RARA: variants seen among roughly 807,000 people sequenced by gnomAD.
RARA encodes PML-DDX5-RARA fusion.
In RARA, 5 loss-of-function variants were observed where a neutral mutation model predicts 42.8. That is an observed-to-expected ratio of 0.12 (90% CI 0.06 to 0.25). The LOEUF (loss-of-function observed/expected upper bound fraction) is 0.25. RARA is among the 10% of genes least tolerant of loss of function. The pLI, the probability that RARA is intolerant of heterozygous loss-of-function variation, is 1.00. For missense variants in RARA, 402 were observed against 628.7 expected (o/e 0.64, Z 3.86); for synonymous variants, 256 against 259.5 (o/e 0.99, Z 0.13).
chr17:40,340,999 G>C, intron 2 of RARA: 1 of 400,364 alleles, frequency 2.5e-6, no homozygotes, highest in Non-Finnish European at 4.4e-6. Context: ...CATATATAAA[G>C]AGCCAGGCTT....
intron 1 of RARA, among the ~76,000 whole-genome samples, chr17:40,323,829 G>A (rs578224456): frequency 4.5e-4 from 59 of 132,206 alleles, no homozygotes; most frequent in African/African-American, 1.5e-3. Flanking sequence ...CCTGAGGCAG[G>A]ACTTGGTGGG....
At chr17:40,321,220 G>A (rs1233289748) in intron 1 of RARA, among the ~76,000 whole-genome samples, 4 of 152,056 alleles carry the variant, frequency 2.6e-5, no homozygotes, top group Non-Finnish European at 5.9e-5. Flanking sequence ...TGGGGACCTA[G>A]TGTGAGAATG....
In RARA at chr17:40,356,563, A is replaced by T. The variant is rs1342935550; in HGVS notation, c.*337A>T. ...GCTCACCACATCTTCATCACCAGCA[A>T]ACGCCAGGACTTGGCTCCCCCATCC... On this transcript the variant is annotated 3_prime_UTR_variant, in exon 9 of 9. Transcript: ENST00000254066. 1.7e-6 allele frequency: 1 copy of T among 581,324 alleles called. No individual in the cohort carries two copies. Among genetic ancestry groups the T allele is most frequent in the East Asian group, 3.6e-5 (1 of 27,690 alleles). The allele number at this position is 581,324 out of a possible 1,614,324, so 36.0% of individuals were successfully genotyped here. A position where few individuals can be genotyped will look rare whatever the true frequency, so the allele number is the denominator to read the frequency against.
chr17:40,323,874 C>T (rs2033464629), intron 1 of RARA, among the ~76,000 whole-genome samples: 1 of 151,562 alleles, frequency 6.6e-6, no homozygotes, highest in Non-Finnish European at 1.5e-5. Context: ...AGCGTGGGTC[C>T]CCAGGGTGGG....
At chr17:40,348,498 G>T in intron 3 of RARA, 34 bp downstream of exon 3, 1 of 1,603,646 alleles carries the variant, frequency 6.2e-7, no homozygotes, top group Non-Finnish European at 8.5e-7. Flanking sequence ...AGGACAGCTT[G>T]ATGAGGTCAA....
In RARA at chr17:40,342,794, A is replaced by C. The variant is rs776689631; in HGVS notation, c.179-5522A>C. 8.7e-6 allele frequency: 14 copies of C among 1,612,714 alleles called. No individual in the cohort carries two copies. The South Asian group carries it at 1.3e-4, about 15-fold the overall frequency. On this transcript the variant is annotated intron_variant, in intron 2 of 8. Coordinates refer to ENST00000254066, the MANE Select transcript of RARA (RefSeq NM_000964.4). ...ACCAGAACCGGGCCTGTTTGCTCCCAGAGAAGGGGCTCCCCGCCCCGGGTC... is the reference window on the plus strand; with the variant it reads ...ACCAGAACCGGGCCTGTTTGCTCCCCGAGAAGGGGCTCCCCGCCCCGGGTC...
At chr17:40,348,273 G>A (rs374816147) in intron 2 of RARA, 43 bp from the exon 3 acceptor site, 17 of 1,509,900 alleles carry the variant, frequency 1.1e-5, no homozygotes, top group African/African-American at 1.4e-5. Context: ...ACTAAGGATG[G>A]CGACCTAGGT....
intron 2 of RARA, among the ~76,000 whole-genome samples, chr17:40,338,752 G>A (rs1184587341): frequency 4.7e-5 from 7 of 149,950 alleles, no homozygotes; most frequent in Admixed American, 4.0e-4. Context: ...GCTCATGCCT[G>A]TAATCCCAGC....
At chr17:40,342,867 T>G in intron 2 of RARA, 1 of 1,610,786 alleles carries the variant, frequency 6.2e-7, no homozygotes, top group Non-Finnish European at 8.5e-7. Context: ...CTCAAACCAC[T>G]GTACGTACCG....
intron 2 of RARA, among the ~76,000 whole-genome samples, chr17:40,337,759 A>G (rs1275480379): frequency 6.6e-6 from 1 of 152,210 alleles, no homozygotes; most frequent in African/African-American, 2.4e-5. Flanking sequence ...GGTCTGGGTG[A>G]GCCCCAGCAG....
At chr17:40,312,264 C>T (rs1474474529) in intron 1 of RARA, among the ~76,000 whole-genome samples, 1 of 152,216 alleles carries the variant, frequency 6.6e-6, no homozygotes, top group Non-Finnish European at 1.5e-5. Flanking sequence ...CTCCTCCTCC[C>T]GCAGGGTAGG....
At chr17:40,341,494 G>A in intron 2 of RARA, 1 of 1,492,570 alleles carries the variant, frequency 6.7e-7, no homozygotes, top group Middle Eastern at 1.9e-4. Flanking sequence ...GCGCGACCCG[G>A]CCCTACGCCT....
Position 40,355,518 on chromosome 17 carries a change from C to A in RARA, c.1171+97C>A. 1 of 1,439,370 alleles carries A rather than the reference C, an allele frequency of 6.9e-7. No individual in the cohort carries two copies. The highest frequency in any genetic ancestry group is 9.3e-7 in the Non-Finnish European group (1 of 1,071,376). The allele number at this position is 1,439,370 out of a possible 1,614,324, so 89.2% of individuals were successfully genotyped here. A position where few individuals can be genotyped will look rare whatever the true frequency, so the allele number is the denominator to read the frequency against. On this transcript the variant is annotated intron_variant, in intron 8 of 8. Coordinates refer to ENST00000254066, the MANE Select transcript of RARA (RefSeq NM_000964.4). The surrounding 1 kb of genome is among the most constrained non-coding windows in gnomAD (Gnocchi z 4.1). ...CCCATGTCTTTGTGCCAGGACAATA[C>A]GACACCTGTCCCCATCTGTGTCTAG...
At position 40,355,409 on chromosome 17, in the gene RARA, A is replaced by G. The variant is rs376831612; in HGVS notation, c.1159A>G (p.Ile387Val). The G allele has an allele frequency of 3.1e-6, 5 of 1,613,872 alleles. No homozygotes were observed. The highest frequency in any genetic ancestry group is 4.2e-6 in the Non-Finnish European group (5 of 1,179,860). ...AATGAAGATTACTGACCTGCGAAGC[A>G]TCAGCGCCAAGGGTGAGGCTCACAG... ...MLMKITDLRS[I>V]SAKGAERVIT... The change falls in exon 8 of 9, where the codon ATC becomes GTC. Residue 387 changes from isoleucine to valine, a missense_variant. Around this residue, in one of 5 missense-constraint regions of RARA, gnomAD observed 104 missense variants for 160.1 expected, o/e 0.65. Coordinates refer to ENST00000254066, the MANE Select transcript of RARA (RefSeq NM_000964.4). This position sits in a 1 kb window ranked among gnomAD's most constrained non-coding sequence, Gnocchi z 4.1.
At position 40,354,465 on chromosome 17, in the gene RARA, C is replaced by A. The variant is rs2143527913; in HGVS notation, c.971C>A (p.Ala324Glu). Residue 324 changes from alanine (A) to glutamate (E), a missense_variant, in exon 7 of 9, where the codon GCG (alanine) becomes GAG (glutamate). Transcript: ENST00000254066. The surrounding 1 kb of genome is among the most constrained non-coding windows in gnomAD (Gnocchi z 4.5). ...CTGCTGCCCCTGGAGATGGATGATG[C>A]GGAGACGGGGCTGCTCAGCGCCATC... ...NQLLPLEMDD[A>E]ETGLLSAICL... 1 of 1,554,996 alleles carries A rather than the reference C, an allele frequency of 6.4e-7. No individual in the cohort carries two copies. The highest frequency in any genetic ancestry group is 8.7e-7 in the Non-Finnish European group (1 of 1,144,206).
chr17:40,331,737 C>T (rs538505021), intron 2 of RARA, among the ~76,000 whole-genome samples: 6 of 152,266 alleles, frequency 3.9e-5, no homozygotes, highest in Non-Finnish European at 8.8e-5. Flanking sequence ...GGTGGGTAAA[C>T]AAACCTCTTG....
chr17:40,350,196 G>GT (rs2034397894), intron 4 of RARA: 4 of 479,084 alleles, frequency 8.3e-6, no homozygotes, highest in Middle Eastern at 5.8e-4. Flanking sequence ...GTGTGCTTGC[G>GT]TATGTGTGTG....
rs1384871691 is a variant in RARA, at chr17:40,356,208, G to A, written c.1371G>A (p.Pro457=). 10 of 1,549,968 alleles carry A rather than the reference G, an allele frequency of 6.5e-6. No homozygotes were observed. Among genetic ancestry groups the A allele is most frequent in the Middle Eastern group, 1.7e-4 (1 of 5,992 alleles). Residue 457 remains proline, a synonymous_variant, in exon 9 of 9, where the codon CCG becomes CCA. Coordinates refer to ENST00000254066, the MANE Select transcript of RARA (RefSeq NM_000964.4). ...GCCCCAGCTCCAACAGAAGCAGCCC[G>A]GCCACCCACTCCCCGTGACCGCCCA... ...SLSPSSNRSS[P]ATHSP
At chr17:40,349,649 C>A (rs2034378953) in intron 3 of RARA, 135 bp from the exon 4 acceptor site, 3 of 1,118,888 alleles carry the variant, frequency 2.7e-6, no homozygotes, top group Non-Finnish European at 3.8e-6. Flanking sequence ...GCTTTTCTGG[C>A]CTGCTCAGGT....
Sources: gnomAD v4.1 joint callset for allele counts (sites outside exome capture counted in the v4.1 genomes callset) on GRCh38, gnomAD v4.1.1 for gene constraint, gnomAD v4.1.1 regional missense constraint, Gnocchi (gnomAD v3.1) non-coding constraint, MANE v1.5 for transcripts, NCBI Gene and HGNC (gene_info 2026-07-23, HGNC 2026-07-21) for gene names.